NLGN4X: variants seen among roughly 807,000 people sequenced by gnomAD.
NLGN4X encodes the protein neuroligin 4 X-linked, also known as neuroligin-4, X-linked.
Under a neutral mutation model 40.3 loss-of-function variants are expected in NLGN4X, and 3 were observed. The observed-to-expected ratio is 0.07, with a 90% CI of 0.03 to 0.19. The LOEUF is 0.19. Ranked by LOEUF, NLGN4X falls within the 10% of genes least tolerant of loss-of-function variation. NLGN4X has a pLI of 1.00. For synonymous variants in NLGN4X, 270 were observed against 306.8 expected, an observed-to-expected ratio of 0.88 and a Z score of 1.25; for missense variants, 382 against 708.3, an observed-to-expected ratio of 0.54 and a Z score of 5.23.
intron 2 of NLGN4X, among the ~76,000 whole-genome samples, chrX:6,034,400 T>C (rs1460539652): frequency 1.8e-5 from 2 of 112,530 alleles, no homozygotes; most frequent in Non-Finnish European, 3.7e-5. Context: ...TGAGTGACAT[T>C]TGGTTTATTT....
intron 3 of NLGN4X, among the ~76,000 whole-genome samples, chrX:5,920,245 T>C (rs745869463): frequency 8.9e-6 from 1 of 112,403 alleles, no homozygotes; most frequent in South Asian, 3.7e-4. Context: ...TGACTCATAA[T>C]TAGCAAGGAA....
chrX:6,034,235 A>G (rs1230809111), intron 2 of NLGN4X, among the ~76,000 whole-genome samples: 1 of 112,301 alleles, frequency 8.9e-6, no homozygotes, highest in Non-Finnish European at 1.9e-5. Flanking sequence ...ATGAACTCAT[A>G]TAATATGCGG....
At chrX:6,227,341 AC>A (rs1926469845) in intron 1 of NLGN4X, 1 of 107,437 alleles carries the variant, frequency 9.3e-6, no homozygotes, top group South Asian at 4.5e-4. Context: ...ACTCCCCCCG[AC>A]ACCCTCGCTC....
At chrX:6,033,797 G>A (rs1390888700) in intron 2 of NLGN4X, among the ~76,000 whole-genome samples, 6 of 111,987 alleles carry the variant, frequency 5.4e-5, no homozygotes, top group African/African-American at 1.9e-4. Flanking sequence ...CATTTAAAAG[G>A]TGTGAACATT....
At chrX:5,907,640 C>T (rs1241778210) in intron 4 of NLGN4X, among the ~76,000 whole-genome samples, 1 of 110,880 alleles carries the variant, frequency 9.0e-6, no homozygotes, top group Non-Finnish European at 1.9e-5. Context: ...CCAACATCAG[C>T]TTTTTCCAGG....
intron 1 of NLGN4X, among the ~76,000 whole-genome samples, chrX:6,186,383 G>A (rs772017095): frequency 6.2e-5 from 7 of 112,352 alleles, no homozygotes; most frequent in East Asian, 2.8e-4. Context: ...GCATGTGTGC[G>A]GCACCATCAT....
Position 5,921,148 on chromosome X carries a change from C to CATATATATATATAT in NLGN4X, c.626-11923_626-11910dup, listed in dbSNP as rs60922455. ...TAAGTATTTTTTATATATATATATACATATATATATATATATATATATTAG... is the reference window on the plus strand; with the variant it reads ...TAAGTATTTTTTATATATATATATACATATATATATATATATATATATATATATATATATATTAG... On this transcript the variant is annotated intron_variant, in intron 3 of 5. Transcript: ENST00000381095. Among the ~76,000 whole-genome samples the CATATATATATATAT allele has an allele frequency of 3.4e-4, 31 of 91,034 alleles. 1 individual carries two copies. The highest frequency in any genetic ancestry group is 1.2e-3 in the African/African-American group (29 of 24,915). The allele number at this position is 91,034 out of a possible 115,157, so 79.1% of individuals were successfully genotyped here. A position where few individuals can be genotyped will look rare whatever the true frequency, so the allele number is the denominator to read the frequency against.
intron 3 of NLGN4X, among the ~76,000 whole-genome samples, chrX:5,968,157 G>A (rs1172038304): frequency 9.1e-6 from 1 of 109,667 alleles, no homozygotes; most frequent in Non-Finnish European, 1.9e-5. Flanking sequence ...AAAGGAAACT[G>A]GAGAAATCCG....
chrX:6,161,465 TA>T (rs1320270935), intron 1 of NLGN4X, among the ~76,000 whole-genome samples: 2 of 100,663 alleles, frequency 2.0e-5, no homozygotes, highest in East Asian at 3.1e-4. Context: ...TAAAATATAA[TA>T]AAAAACATAT....
At chrX:6,072,212 C>A (rs1249338183) in intron 2 of NLGN4X, among the ~76,000 whole-genome samples, 1 of 110,774 alleles carries the variant, frequency 9.0e-6, no homozygotes, top group Non-Finnish European at 1.9e-5. Context: ...TATTTACCTC[C>A]GTGAAACAAA....
At position 5,892,791 on chromosome X, in the gene NLGN4X, G is replaced by A. The variant is rs776444310; in HGVS notation, c.*26C>T. On this transcript the variant is annotated 3_prime_UTR_variant, in exon 6 of 6. Transcript: ENST00000381095. ...TATGTTGCTGAGCGGGTAGGGCAGA[G>A]GGATAGGAAGGGAAATAGGGCAAAG... is the stretch of plus-strand genomic sequence containing the variant. 14 of 1,208,872 alleles carry A rather than the reference G, an allele frequency of 1.2e-5. No individual in the cohort carries two copies. In the Admixed American group the frequency reaches 3.0e-4, roughly 26 times the overall value.
At position 5,942,706 on chromosome X, in the gene NLGN4X, G is replaced by T. The variant is rs1057374346; in HGVS notation, c.626-33467C>A. On this transcript the variant is annotated intron_variant, in intron 3 of 5. Coordinates refer to ENST00000381095, the MANE Select transcript of NLGN4X (RefSeq NM_181332.3). The stretch of plus-strand genomic sequence containing the variant: ...GGAGAAGAGGGGAGGGGAGAGAAGG[G>T]GAGGGAAGGGGAAAGGAAAAGCATG... Among the ~76,000 whole-genome samples the T allele has an allele frequency of 2.7e-5, 3 of 109,658 alleles. No homozygotes were observed. In the South Asian group the frequency reaches 1.2e-3, roughly 43 times the overall value.
chrX:5,970,312 A>G (rs2034987669), intron 3 of NLGN4X, among the ~76,000 whole-genome samples: 1 of 111,466 alleles, frequency 9.0e-6, no homozygotes, highest in African/African-American at 3.3e-5. Flanking sequence ...CGTTGTGCAC[A>G]TGTACCCTAG....
chrX:6,000,495 C>A (rs1403007777), intron 3 of NLGN4X, among the ~76,000 whole-genome samples: 1 of 111,093 alleles, frequency 9.0e-6, no homozygotes, highest in Non-Finnish European at 1.9e-5. Context: ...GGTAATGTAC[C>A]CTAAGCCCTG....
chrX:6,119,847 A>G (rs2039382743), intron 2 of NLGN4X, among the ~76,000 whole-genome samples: 2 of 111,529 alleles, frequency 1.8e-5, no homozygotes, highest in Non-Finnish European at 3.8e-5. Flanking sequence ...TCTTTGTATT[A>G]TGGAATTAAG....
intron 3 of NLGN4X, among the ~76,000 whole-genome samples, chrX:5,986,304 T>G (rs1165969680): frequency 2.7e-5 from 3 of 112,104 alleles, no homozygotes; most frequent in African/African-American, 9.7e-5. Context: ...GGCACAGAGG[T>G]AGACAAAGAG....
intron 3 of NLGN4X, among the ~76,000 whole-genome samples, chrX:5,926,387 G>T (rs1830920755): frequency 9.1e-6 from 1 of 110,297 alleles, no homozygotes; most frequent in South Asian, 3.9e-4. Context: ...ACAAAATAAT[G>T]ATTTTCAGAT....
intron 2 of NLGN4X, among the ~76,000 whole-genome samples, chrX:6,139,382 T>C (rs1224552493): frequency 8.9e-6 from 1 of 112,034 alleles, no homozygotes; most frequent in Non-Finnish European, 1.9e-5. Flanking sequence ...ATTTAAAAAA[T>C]ACCCAAGTGA....
At chrX:5,950,085 G>T (rs779345520) in intron 3 of NLGN4X, among the ~76,000 whole-genome samples, 1 of 111,767 alleles carries the variant, frequency 8.9e-6, no homozygotes, top group Non-Finnish European at 1.9e-5. Flanking sequence ...CTCCCTGAAA[G>T]GCAATAATCA....
Sources: allele counts gnomAD v4.1 joint callset (sites outside exome capture counted in the v4.1 genomes callset), GRCh38; gene constraint gnomAD v4.1.1; transcripts MANE v1.5; gene names NCBI Gene and HGNC (gene_info 2026-07-23, HGNC 2026-07-21).